TAF2: variants seen among roughly 807,000 people sequenced by gnomAD.
The protein encoded by TAF2 is transcription initiation factor TFIID subunit 2.
Under a neutral mutation model 138.5 loss-of-function variants are expected in TAF2, and 61 were observed. That is an observed-to-expected ratio of 0.44 (90% confidence interval 0.36 to 0.54). TAF2 has a LOEUF of 0.54. Ranked by LOEUF, TAF2 falls within the 20% of genes least tolerant of loss-of-function variation. The pLI is 0.00. For synonymous variants in TAF2, 475 were observed against 469.9 expected, an observed-to-expected ratio of 1.01 and a Z score of -0.14; for missense variants, 1,090 against 1,427.9, an observed-to-expected ratio of 0.76 and a Z score of 3.81.
chr8:119,824,692 C>T (rs1467594027), intron 2 of TAF2, among the ~76,000 whole-genome samples: 1 of 152,178 alleles, frequency 6.6e-6, no homozygotes, highest in Non-Finnish European at 1.5e-5. Flanking sequence ...TGCATCCTAT[C>T]CACTCCAGCC....
intron 5 of TAF2, 101 bp downstream of exon 5, chr8:119,803,776 AT>A: frequency 8.6e-7 from 1 of 1,158,808 alleles, no homozygotes; most frequent in Non-Finnish European, 1.2e-6. Context: ...TTGGAAGGGA[AT>A]AAAACTAGTA....
At chr8:119,745,641 G>A (rs559042419) in intron 23 of TAF2, among the ~76,000 whole-genome samples, 105 of 151,992 alleles carry the variant, frequency 6.9e-4, no homozygotes, top group African/African-American at 2.4e-3. Context: ...TTGAAGTATT[G>A]GAGACATTTT....
intron 16 of TAF2, among the ~76,000 whole-genome samples, chr8:119,782,224 T>C (rs1822714993): frequency 6.6e-6 from 1 of 152,208 alleles, no homozygotes; most frequent in East Asian, 1.9e-4. Flanking sequence ...ACAGTGCTAC[T>C]ATTTAAGGCT....
intron 2 of TAF2, among the ~76,000 whole-genome samples, chr8:119,820,529 TAA>T (rs1825747774): frequency 6.6e-6 from 1 of 152,080 alleles, no homozygotes; most frequent in South Asian, 2.1e-4. Context: ...TGTACAGTAT[TAA>T]AAAGTTAACT....
At chr8:119,803,713 AT>A (rs1057174637) in intron 5 of TAF2, among the ~76,000 whole-genome samples, 164 bp downstream of exon 5, 98 of 151,558 alleles carry the variant, frequency 6.5e-4, no homozygotes, top group African/African-American at 2.1e-3. Context: ...AGAAAAAAAA[AT>A]TTTTTTTTAA....
intron 10 of TAF2, among the ~76,000 whole-genome samples, chr8:119,792,340 A>C (rs1412104251): frequency 6.6e-6 from 1 of 151,728 alleles, no homozygotes; most frequent in Non-Finnish European, 1.5e-5. Context: ...TTTGGTAGAG[A>C]TGTGGTTTTG....
intron 6 of TAF2, 63 bp from the exon 7 acceptor site, chr8:119,797,909 C>T: frequency 4.2e-6 from 6 of 1,417,558 alleles, no homozygotes; most frequent in Non-Finnish European, 4.9e-6. Context: ...TTGGAAATTT[C>T]CTAAACACCT....
At chr8:119,751,106 AT>A (rs1054361065) in intron 22 of TAF2, among the ~76,000 whole-genome samples, 6 of 152,166 alleles carry the variant, frequency 3.9e-5, no homozygotes, top group African/African-American at 9.6e-5. Flanking sequence ...TTAGGTTTTA[AT>A]TTTTTTAATG....
rs192190197 is a variant in TAF2, at chr8:119,748,671, T to G, written c.2879-1737A>C. Among the ~76,000 whole-genome samples the G allele has an allele frequency of 1.4e-3, 213 of 152,252 alleles. 3 individuals are homozygous for G. The highest frequency in any genetic ancestry group is 5.0e-3 in the African/African-American group (207 of 41,558). On this transcript the variant is annotated intron_variant, in intron 22 of 25. Transcript: ENST00000378164. Reference sequence around the variant, plus strand: ...GACACTTCAATAGCTTGAGGTAGTATTATTTTGTAGGCATTCATTTCTCCT... The same window carrying G: ...GACACTTCAATAGCTTGAGGTAGTAGTATTTTGTAGGCATTCATTTCTCCT...
At chr8:119,805,021 C>T (rs1262345887) in intron 4 of TAF2, among the ~76,000 whole-genome samples, 1 of 152,132 alleles carries the variant, frequency 6.6e-6, no homozygotes, top group Non-Finnish European at 1.5e-5. Flanking sequence ...GTAAGTTCCT[C>T]CACAAACCCT....
rs1372527391 is a variant in TAF2, at chr8:119,762,590, G to T, written c.2383C>A (p.Arg795Ser). Reference sequence around the variant, plus strand: ...GCCAGGGCATCAATCATTTCTGCACGATAATAGTTATCTGAAAACTAGGCC... The same window carrying T: ...GCCAGGGCATCAATCATTTCTGCACTATAATAGTTATCTGAAAACTAGGCC... ...RKNKFSDNYY[R>S]AEMIDALANS... Residue 795 changes from arginine (R) to serine (S), a missense_variant, in exon 19 of 26, where the codon CGT becomes AGT. By Grantham distance (110) the Arg-to-Ser change is moderately radical. Transcript: ENST00000378164. The T allele has an allele frequency of 1.2e-6, 2 of 1,612,254 alleles. No homozygotes were observed. The highest frequency in any genetic ancestry group is 1.7e-6 in the Non-Finnish European group (2 of 1,179,166).
chr8:119,752,508 T>C (rs981598664), intron 22 of TAF2, among the ~76,000 whole-genome samples: 1 of 152,160 alleles, frequency 6.6e-6, no homozygotes, highest in Non-Finnish European at 1.5e-5. Flanking sequence ...TCAGTTTCTG[T>C]ACCTGTCTCT....
chr8:119,808,444 A>G (rs1381365599), intron 3 of TAF2, among the ~76,000 whole-genome samples: 1 of 152,152 alleles, frequency 6.6e-6, no homozygotes, highest in Non-Finnish European at 1.5e-5. Context: ...CCTCAAAGTC[A>G]TCCATGAGGT....
chr8:119,757,760 G>A (rs1820793992), intron 21 of TAF2, among the ~76,000 whole-genome samples: 1 of 152,022 alleles, frequency 6.6e-6, no homozygotes, highest in African/African-American at 2.4e-5. Context: ...GCCAGGTGTG[G>A]TGGCGCATGC....
chr8:119,772,923 G>A (rs975071723), intron 18 of TAF2, among the ~76,000 whole-genome samples: 2 of 147,800 alleles, frequency 1.4e-5, no homozygotes, highest in African/African-American at 2.4e-5. Flanking sequence ...GTTAACAAGA[G>A]ACAGACTCCA....
At chr8:119,796,803 A>T (rs1823858446) in intron 8 of TAF2, among the ~76,000 whole-genome samples, 187 bp downstream of exon 8, 1 of 152,082 alleles carries the variant, frequency 6.6e-6, no homozygotes, top group Non-Finnish European at 1.5e-5. Context: ...AATATAAGTG[A>T]CTATATTGAT....
At chr8:119,794,594 T>C (rs529533764) in intron 9 of TAF2, among the ~76,000 whole-genome samples, 1 of 152,326 alleles carries the variant, frequency 6.6e-6, no homozygotes, top group Admixed American at 6.5e-5. Flanking sequence ...TTTCTTTCTG[T>C]TCCTCAGTTT....
intron 3 of TAF2, among the ~76,000 whole-genome samples, chr8:119,808,047 G>C (rs1042601965): frequency 2.6e-5 from 4 of 152,116 alleles, no homozygotes; most frequent in Non-Finnish European, 5.9e-5. Context: ...CTTGACAGAG[G>C]CCATTCCCTC....
intron 2 of TAF2, among the ~76,000 whole-genome samples, chr8:119,820,893 G>T (rs1046453521): frequency 3.9e-5 from 6 of 152,318 alleles, no homozygotes; most frequent in Non-Finnish European, 8.8e-5. Context: ...TAAACTATGA[G>T]CTGCTGTAGG....
Sources: allele counts gnomAD v4.1 joint callset (sites outside exome capture counted in the v4.1 genomes callset), GRCh38; gene constraint gnomAD v4.1.1; transcripts MANE v1.5; gene names NCBI Gene and HGNC (gene_info 2026-07-23, HGNC 2026-07-21).